Variants in GPD1L observed in about 807,000 individuals in gnomAD.
GPD1L encodes glycerol-3-phosphate dehydrogenase 1 like.
In GPD1L, 17 loss-of-function variants were observed where a neutral mutation model predicts 32.9. The observed-to-expected ratio is 0.52, with a 90% CI of 0.35 to 0.78. The LOEUF is 0.78. Among genes scored for constraint, GPD1L ranks in the 30% least tolerant of loss-of-function variants. The pLI is 0.01. For synonymous variants in GPD1L, 187 were observed against 165.9 expected (o/e 1.13, Z -0.98); for missense variants, 361 against 447.8 (o/e 0.81, Z 1.75).
At chr3:32,108,600 CT>C (rs1409088800) in intron 1 of GPD1L, among the ~76,000 whole-genome samples, 3 of 152,222 alleles carry the variant, frequency 2.0e-5, no homozygotes, top group East Asian at 1.9e-4. Flanking sequence ...TTTATCCCCC[CT>C]GAGTACCTCC....
chr3:32,160,291 G>T (rs147911770), intron 7 of GPD1L, among the ~76,000 whole-genome samples: 8,460 of 114,888 alleles, frequency 0.074, 552 homozygotes, highest in Non-Finnish European at 0.092. Flanking sequence ...GGGTAGATGG[G>T]TGAGTGGATG....
intron 4 of GPD1L, among the ~76,000 whole-genome samples, chr3:32,141,580 G>A (rs1700744788): frequency 3.3e-5 from 5 of 151,870 alleles, no homozygotes. Flanking sequence ...AATATTTGTT[G>A]GAGAGGAGAA....
intron 1 of GPD1L, 31 bp from the exon 2 acceptor site, chr3:32,128,045 A>G (rs1413665748): frequency 6.6e-7 from 1 of 1,509,540 alleles, no homozygotes; most frequent in African/African-American, 1.4e-5. Flanking sequence ...AAGTGAGTTT[A>G]TGTTTTTCTT....
Position 32,166,082 on chromosome 3 carries a change from G to A in GPD1L, c.*172G>A, listed in dbSNP as rs1271903838. ...TGAGAGGCAGTTCATTAGCAAAGAT[G>A]TACTGGGCAGTAACTAAACACACAT... On this transcript the variant is annotated 3_prime_UTR_variant, in exon 8 of 8. Coordinates refer to ENST00000282541, the MANE Select transcript of GPD1L (RefSeq NM_015141.4). The A allele has an allele frequency of 4.6e-6, 3 of 658,956 alleles. No individual in the cohort carries two copies. The highest frequency in any genetic ancestry group is 1.7e-5 in the South Asian group (1 of 58,390). The allele number at this position is 658,956 out of a possible 1,614,324, so 40.8% of individuals were successfully genotyped here. A position where few individuals can be genotyped will look rare whatever the true frequency, so the allele number is the denominator to read the frequency against.
intron 5 of GPD1L, among the ~76,000 whole-genome samples, chr3:32,150,844 C>G (rs1113619): frequency 0.34 from 51,664 of 152,078 alleles, 9,781 homozygotes; most frequent in East Asian, 0.63. Flanking sequence ...AATCCCAGCA[C>G]TTTGGGAGGC....
Position 32,106,690 on chromosome 3 carries a change from G to T in GPD1L, c.-22G>T. 6.4e-7 allele frequency: 1 copy of T among 1,553,070 alleles called. No individual in the cohort carries two copies. Among genetic ancestry groups the T allele is most frequent in the South Asian group, 1.2e-5 (1 of 84,358 alleles). On this transcript the variant is annotated 5_prime_UTR_variant, in exon 1 of 8. In the 5' UTR this introduces an upstream ATG that the reference lacks. Transcript: ENST00000282541. This position sits in a 1 kb window ranked among gnomAD's most constrained non-coding sequence, Gnocchi z 4.0. ...CAGCCGGCCAGGGAAGCACGGTCCAGGCGGCTACATTCGGCCCGGCCATGG... is the reference window on the plus strand; with the variant it reads ...CAGCCGGCCAGGGAAGCACGGTCCATGCGGCTACATTCGGCCCGGCCATGG...
At chr3:32,116,683 T>G (rs1700337345) in intron 1 of GPD1L, among the ~76,000 whole-genome samples, 1 of 152,154 alleles carries the variant, frequency 6.6e-6, no homozygotes, top group Non-Finnish European at 1.5e-5. Context: ...ATATTTAAAT[T>G]TACTACTACT....
chr3:32,160,719 T>C (rs1445998588), intron 7 of GPD1L, among the ~76,000 whole-genome samples: 3 of 152,142 alleles, frequency 2.0e-5, no homozygotes, highest in Admixed American at 6.5e-5. Flanking sequence ...AAAGGTGGGC[T>C]TAAGTCAGTT....
intron 2 of GPD1L, among the ~76,000 whole-genome samples, chr3:32,135,515 C>T (rs1194339270): frequency 1.3e-5 from 2 of 152,094 alleles, no homozygotes; most frequent in African/African-American, 2.4e-5. Context: ...TGCAGTGGCA[C>T]GATCTTGGCT....
intron 1 of GPD1L, among the ~76,000 whole-genome samples, chr3:32,111,618 G>A (rs1700247421): frequency 6.6e-6 from 1 of 152,148 alleles, no homozygotes; most frequent in African/African-American, 2.4e-5. Flanking sequence ...AAGGGGTAGA[G>A]AGGCAGAGGA....
chr3:32,130,974 C>T (rs1035991017), intron 2 of GPD1L, among the ~76,000 whole-genome samples: 6 of 151,744 alleles, frequency 4.0e-5, no homozygotes, highest in African/African-American at 1.5e-4. Flanking sequence ...GAGATTGCCC[C>T]GCTGCACTCC....
At chr3:32,153,220 A>G (rs1700944259) in intron 5 of GPD1L, among the ~76,000 whole-genome samples, 1 of 152,226 alleles carries the variant, frequency 6.6e-6, no homozygotes, top group Non-Finnish European at 1.5e-5. Context: ...ATCTGTAGTC[A>G]GGGCCACTGC....
rs769123169 is a variant in GPD1L at position 32,159,674 on chromosome 3, A to G, written c.959A>G (p.Lys320Arg). The G allele has an allele frequency of 1.9e-5, 30 of 1,567,832 alleles. No homozygotes were observed. The highest frequency in any genetic ancestry group is 2.4e-5 in the Non-Finnish European group (27 of 1,138,258). The change falls in exon 7 of 8, where the codon AAG (lysine) becomes AGG (arginine). Residue 320 changes from lysine to arginine, a missense_variant and splice_region_variant. Lys to Arg is a conservative substitution (Grantham distance 26). Coordinates refer to ENST00000282541, the MANE Select transcript of GPD1L (RefSeq NM_015141.4). ...CTCAAACAGAAGGGACTACTGGACA[A>G]GTAAGTCTCTCAGTCGCCCATGAGA... ...RILKQKGLLDKFPLFTAVYQI... is the reference protein window; with the variant it reads ...RILKQKGLLDRFPLFTAVYQI...
At position 32,128,255 on chromosome 3, in the gene GPD1L, T is replaced by TA; in HGVS notation, c.225+4dup. ...GGACACAAGCTGCCAGAAAATGTGGTAAGACTTTGGGGTGAAATGTACATT... is the reference window on the plus strand; with the variant it reads ...GGACACAAGCTGCCAGAAAATGTGGTAAAGACTTTGGGGTGAAATGTACATT... On this transcript the variant is annotated splice_region_variant and intron_variant, in intron 2 of 7. Coordinates refer to ENST00000282541, the MANE Select transcript of GPD1L (RefSeq NM_015141.4). 1 of 1,612,378 alleles carries TA rather than the reference T, an allele frequency of 6.2e-7. No individual in the cohort carries two copies.
intron 4 of GPD1L, among the ~76,000 whole-genome samples, chr3:32,143,114 G>A (rs537663409): frequency 5.9e-4 from 90 of 152,160 alleles, no homozygotes; most frequent in African/African-American, 2.0e-3. Flanking sequence ...GAGGCTAGGA[G>A]ATTGAGCGAG....
intron 5 of GPD1L, among the ~76,000 whole-genome samples, chr3:32,157,377 G>T (rs1701008484): frequency 6.6e-6 from 1 of 151,896 alleles, no homozygotes; most frequent in Non-Finnish European, 1.5e-5. Context: ...GTGCTTTGTT[G>T]TGTCTCTTTT....
chr3:32,121,982 G>A (rs987308318), intron 1 of GPD1L, among the ~76,000 whole-genome samples: 1 of 151,858 alleles, frequency 6.6e-6, no homozygotes, highest in South Asian at 2.1e-4. Flanking sequence ...TGTTGGTCAG[G>A]CTGGTCTTGA....
At chr3:32,159,240 T>G (rs987919095) in intron 6 of GPD1L, 131 bp downstream of exon 6, 10 of 713,578 alleles carry the variant, frequency 1.4e-5, no homozygotes, top group Non-Finnish European at 2.4e-5. Context: ...GCCTGGCTGC[T>G]TTTTCACTTG....
chr3:32,106,883 G>A lies in GPD1L; in HGVS notation c.47+125G>A, dbSNP rs929601793. 7.9e-5 allele frequency: 71 copies of A among 893,752 alleles called. No individual in the cohort carries two copies. Among genetic ancestry groups the A allele is most frequent in the Admixed American group, 3.7e-4 (9 of 24,620 alleles). 55.4% of individuals were successfully genotyped at this position (893,752 alleles called of 1,614,324 possible). Reference sequence around the variant, plus strand: ...CACTGCGCGCAGGGAGGCGGGGTGGGCGACCTCGTTGCTGGGCTGGGCACC... The same window carrying A: ...CACTGCGCGCAGGGAGGCGGGGTGGACGACCTCGTTGCTGGGCTGGGCACC... On this transcript the variant is annotated intron_variant, in intron 1 of 7. Transcript: ENST00000282541. This position sits in a 1 kb window ranked among gnomAD's most constrained non-coding sequence, Gnocchi z 4.0.
Sources: gnomAD v4.1 joint callset for allele counts (sites outside exome capture counted in the v4.1 genomes callset) on GRCh38, gnomAD v4.1.1 for gene constraint, Gnocchi (gnomAD v3.1) non-coding constraint, MANE v1.5 for transcripts, NCBI Gene and HGNC (gene_info 2026-07-23, HGNC 2026-07-21) for gene names.